Variants in PIK3R3 observed in about 807,000 individuals in gnomAD.
The protein encoded by PIK3R3 is phosphatidylinositol 3-kinase regulatory subunit gamma.
A neutral mutation model predicts 62.9 loss-of-function variants in PIK3R3; 64 were observed. That is an observed-to-expected ratio of 1.02 (90% CI 0.83 to 1.25). PIK3R3 has a LOEUF of 1.25. PIK3R3 is among the 50% of genes most tolerant of loss of function. The probability of loss-of-function intolerance (pLI) is 0.00; values close to 1 mark genes in which losing one functional copy is unlikely to be tolerated. For synonymous variants in PIK3R3, 165 were observed against 189.0 expected, an observed-to-expected ratio of 0.87 and a Z score of 1.04; for missense variants, 614 against 561.6, an observed-to-expected ratio of 1.09 and a Z score of -0.94.
chr1:46,150,803 CTTTTTTTTTTTTTTT>C, the PIK3R3 span, among the ~76,000 whole-genome samples: 6 of 112,782 alleles, frequency 5.3e-5, no homozygotes, highest in South Asian at 1.5e-3. Context: ...GGTAAACACT[CTTTTTTTTTTTTTTT>C]TTTTTTTGAG....
intron 1 of PIK3R3, among the ~76,000 whole-genome samples, chr1:46,086,044 A>T (rs1225009650): frequency 6.6e-6 from 1 of 152,190 alleles, no homozygotes; most frequent in Non-Finnish European, 1.5e-5. Flanking sequence ...CCTGGCCTAT[A>T]TTAACAAGTT....
chr1:46,147,470 C>T, the PIK3R3 span, among the ~76,000 whole-genome samples: 2 of 151,348 alleles, frequency 1.3e-5, no homozygotes, highest in African/African-American at 2.4e-5. Context: ...CAGGCTGGAG[C>T]GCAGTGGTGC....
Position 46,098,807 on chromosome 1 carries a change from C to A in PIK3R3, c.107-18057G>T, listed in dbSNP as rs1307747372. 2.0e-5 allele frequency among the ~76,000 whole-genome samples: 3 copies of A among 152,124 alleles called. No homozygotes were observed. In the South Asian group the frequency reaches 6.2e-4, roughly 31 times the overall value. On this transcript the variant is annotated intron_variant, in intron 1 of 9. Transcript: ENST00000262741. ...CCTCAAACTACTGAGTTCAAGCGAT[C>A]CTCCCACATTGGCCTTCCAAGTAAC...
chr1:46,079,837 C>T lies in PIK3R3; in HGVS notation c.215+805G>A, dbSNP rs538598688. Among the ~76,000 whole-genome samples, 7 of 151,680 alleles carry T rather than the reference C, an allele frequency of 4.6e-5. No homozygotes were observed. The South Asian group carries it at 1.5e-3, about 32-fold the overall frequency. ...GGTATGGTGATGCATGACTGTAATC[C>T]CAGCTACTTGGGAGGCTGAGGCAGG... On this transcript the variant is annotated intron_variant, in intron 2 of 9. Coordinates refer to ENST00000262741, the MANE Select transcript of PIK3R3 (RefSeq NM_003629.4).
At chr1:46,146,956 C>T in the PIK3R3 span, among the ~76,000 whole-genome samples, 2 of 152,084 alleles carry the variant, frequency 1.3e-5, no homozygotes, top group Non-Finnish European at 2.9e-5. Context: ...CCTCACGGAC[C>T]TATAGTAGCC....
chr1:46,092,994 G>C (rs1427080146), intron 1 of PIK3R3, among the ~76,000 whole-genome samples: 2 of 152,104 alleles, frequency 1.3e-5, no homozygotes, highest in African/African-American at 2.4e-5. Context: ...ACCAGTAATG[G>C]TCTCCAACCA....
the PIK3R3 span, among the ~76,000 whole-genome samples, chr1:46,150,803 CTTTTTTTTTT>C: frequency 8.9e-6 from 1 of 112,784 alleles, no homozygotes; most frequent in South Asian, 3.0e-4. Context: ...GGTAAACACT[CTTTTTTTTTT>C]TTTTTTTTTT....
In PIK3R3 at chr1:46,043,605, C is replaced by T. The variant is rs1647033917; in HGVS notation, c.*68G>A. The stretch of plus-strand genomic sequence containing the variant: ...CAAGCAGTCTATGTAGAAAGAATGC[C>T]CTCATCGTAGTCTAATAAAAACTGT... On this transcript the variant is annotated 3_prime_UTR_variant, in exon 10 of 10. Transcript: ENST00000262741. 1 of 1,320,374 alleles carries T rather than the reference C, an allele frequency of 7.6e-7. No individual in the cohort carries two copies. Among genetic ancestry groups the T allele is most frequent in the Middle Eastern group, 2.3e-4 (1 of 4,440 alleles). 81.8% of individuals were successfully genotyped at this position (1,320,374 alleles called of 1,614,324 possible). A position where few individuals can be genotyped will look rare whatever the true frequency, so the allele number is the denominator to read the frequency against.
At chr1:46,061,682 A>G (rs1185093248) in intron 6 of PIK3R3, among the ~76,000 whole-genome samples, 1 of 152,192 alleles carries the variant, frequency 6.6e-6, no homozygotes, top group Non-Finnish European at 1.5e-5. Flanking sequence ...ATCAGGGAAC[A>G]GTTTCTAGAA....
the PIK3R3 span, among the ~76,000 whole-genome samples, chr1:46,159,314 C>T: frequency 3.3e-5 from 5 of 152,140 alleles, no homozygotes. Flanking sequence ...GATTCAAACT[C>T]AGTTCTGACT....
intron 1 of PIK3R3, among the ~76,000 whole-genome samples, chr1:46,127,077 G>A (rs2149475474): frequency 6.6e-6 from 1 of 152,118 alleles, no homozygotes; most frequent in South Asian, 2.1e-4. Flanking sequence ...GCTCATGCCT[G>A]TAATCCCAGC....
intron 5 of PIK3R3, among the ~76,000 whole-genome samples, chr1:46,064,520 G>C (rs574397154): frequency 6.6e-6 from 1 of 152,106 alleles, no homozygotes; most frequent in East Asian, 1.9e-4. Flanking sequence ...CAGCCTGGGC[G>C]ACAGAGCAAG....
At chr1:46,152,989 A>G in the PIK3R3 span, among the ~76,000 whole-genome samples, 1 of 151,802 alleles carries the variant, frequency 6.6e-6, no homozygotes, top group Non-Finnish European at 1.5e-5. Context: ...ATGTGTGTTT[A>G]TTTTTTCACA....
upstream of PIK3R3, among the ~76,000 whole-genome samples, chr1:46,136,731 A>G (rs1218221522): frequency 6.6e-6 from 1 of 152,140 alleles, no homozygotes; most frequent in African/African-American, 2.4e-5. Context: ...TTGGGTCCTC[A>G]TTTAGGTTTA....
chr1:46,149,684 C>T, the PIK3R3 span, among the ~76,000 whole-genome samples: 1 of 152,052 alleles, frequency 6.6e-6, no homozygotes, highest in Non-Finnish European at 1.5e-5. Flanking sequence ...GCATGCACCA[C>T]CACACCCAGC....
At chr1:46,113,850 T>A (rs972226851) in intron 1 of PIK3R3, among the ~76,000 whole-genome samples, 27 of 152,190 alleles carry the variant, frequency 1.8e-4, no homozygotes, top group African/African-American at 6.5e-4. Flanking sequence ...GAATTTATAA[T>A]TTAATGAGGA....
At chr1:46,092,387 G>A (rs1381886359) in intron 1 of PIK3R3, among the ~76,000 whole-genome samples, 7 of 152,200 alleles carry the variant, frequency 4.6e-5, no homozygotes, top group Admixed American at 1.3e-4. Context: ...TTTTTGAGAC[G>A]GAGTCTCGCT....
At chr1:46,146,730 CACACACACACACACACACACACACA>C in the PIK3R3 span, among the ~76,000 whole-genome samples, 1 of 94,848 alleles carries the variant, frequency 1.1e-5, no homozygotes, top group African/African-American at 3.9e-5. Context: ...CACACACACA[CACACACACACACACACACACACACA>C]GCTTTGGTCC....
chr1:46,166,234 T>C, the PIK3R3 span, among the ~76,000 whole-genome samples: 1 of 151,260 alleles, frequency 6.6e-6, no homozygotes, highest in Admixed American at 6.6e-5. Context: ...TCTTTTCTTT[T>C]TTTTTCTGAG....
Sources: gnomAD v4.1 joint callset for allele counts (sites outside exome capture counted in the v4.1 genomes callset) on GRCh38, gnomAD v4.1.1 for gene constraint, MANE v1.5 for transcripts, NCBI Gene and HGNC (gene_info 2026-07-23, HGNC 2026-07-21) for gene names.